The following SLC5A5 variants were observed in gnomAD, a reference collection of about 807,000 sequenced individuals.
The protein encoded by SLC5A5 is solute carrier family 5 member 5, also known as sodium/iodide cotransporter.
SLC5A5 carries 56 observed loss-of-function variants against 68.6 expected under a neutral mutation model. The ratio of observed to expected loss-of-function variants is 0.82; its 90% CI spans 0.66 to 1.02. The LOEUF is 1.02. SLC5A5 is among the 50% of genes least tolerant of loss of function. SLC5A5 has a pLI of 0.00. For synonymous variants in SLC5A5, 398 were observed against 373.0 expected, an observed-to-expected ratio of 1.07 and a Z score of -0.77; for missense variants, 807 against 859.8, an observed-to-expected ratio of 0.94 and a Z score of 0.77.
chr19:17,882,785 G>A (rs529777378), intron 10 of SLC5A5, among the ~76,000 whole-genome samples: 24 of 152,204 alleles, frequency 1.6e-4, no homozygotes, highest in East Asian at 5.8e-4. Flanking sequence ...CTGGGTTCAC[G>A]CCATTCTCCT....
At chr19:17,885,593 C>G (rs770214932) in intron 12 of SLC5A5, among the ~76,000 whole-genome samples, 8 of 152,014 alleles carry the variant, frequency 5.3e-5, no homozygotes, top group Non-Finnish European at 1.0e-4. Context: ...GTTGCCCAGG[C>G]TGGTCTCAAA....
chr19:17,875,034 C>T (rs1263080190), intron 4 of SLC5A5, among the ~76,000 whole-genome samples: 1 of 152,102 alleles, frequency 6.6e-6, no homozygotes, highest in Non-Finnish European at 1.5e-5. Context: ...TTGGCTGGCT[C>T]AGGTCTGACC....
chr19:17,884,665 C>G (rs554976096), intron 12 of SLC5A5, among the ~76,000 whole-genome samples: 1 of 151,448 alleles, frequency 6.6e-6, no homozygotes, highest in Non-Finnish European at 1.5e-5. Context: ...CCCAGCTACT[C>G]GGGAGGCTGA....
At chr19:17,891,929 G>A (rs575562333) in intron 14 of SLC5A5, among the ~76,000 whole-genome samples, 1 of 152,226 alleles carries the variant, frequency 6.6e-6, no homozygotes, top group Admixed American at 6.5e-5. Flanking sequence ...ATCTAGCAGG[G>A]GCAGGTGAAA....
intron 12 of SLC5A5, 109 bp from the exon 13 acceptor site, chr19:17,888,222 C>A: frequency 7.4e-7 from 1 of 1,350,868 alleles, no homozygotes; most frequent in Non-Finnish European, 1.0e-6. Context: ...GAGGTCTGTG[C>A]TAGGCCATGG....
intron 8 of SLC5A5, 144 bp from the exon 9 acceptor site, chr19:17,881,816 G>C: frequency 2.8e-6 from 2 of 707,484 alleles, no homozygotes; most frequent in Admixed American, 4.0e-5. Flanking sequence ...TCTTCGGGGA[G>C]GGGAGGGGCA....
Position 17,893,725 on chromosome 19 carries a change from C to T in SLC5A5, c.1780C>T (p.Leu594Phe), listed in dbSNP as rs140990171. ...CACTTTTCCCCAGGGTCCTGAAGAA[C>T]TCCCCACTGGAAACAAGAAGCCCCC... Reference protein sequence around the residue: ...DDNLVKGPEELPTGNKKPPGF... With the variant: ...DDNLVKGPEEFPTGNKKPPGF... The change falls in exon 15 of 15, where the codon CTC becomes TTC. Residue 594 changes from leucine to phenylalanine, a missense_variant. Transcript: ENST00000222248. The T allele has an allele frequency of 2.2e-4, 363 of 1,613,924 alleles. No homozygotes were observed. In the African/African-American group the frequency reaches 4.2e-3, roughly 19 times the overall value.
chr19:17,893,424 G>A (rs939263160), intron 14 of SLC5A5, among the ~76,000 whole-genome samples: 2 of 152,002 alleles, frequency 1.3e-5, no homozygotes, highest in Non-Finnish European at 2.9e-5. Flanking sequence ...TTTTCTTGAA[G>A]GTGAACAGGC....
At chr19:17,890,667 A>G (rs989388553) in intron 13 of SLC5A5, among the ~76,000 whole-genome samples, 1 of 152,168 alleles carries the variant, frequency 6.6e-6, no homozygotes, top group Non-Finnish European at 1.5e-5. Context: ...AAGTGCAATT[A>G]TGAGCCACCA....
chr19:17,887,329 C>CT lies in SLC5A5; in HGVS notation c.1527-1001dup, dbSNP rs770716083. ...TTTGGTGGGCGGATGGAGTCTAACT[C>CT]TGTCACCCAGGCTGGAGTGCAGTGG... On this transcript the variant is annotated intron_variant, in intron 12 of 14. Coordinates refer to ENST00000222248, the MANE Select transcript of SLC5A5 (RefSeq NM_000453.3). 1.6e-4 allele frequency among the ~76,000 whole-genome samples: 25 copies of CT among 152,248 alleles called. No individual in the cohort carries two copies. The East Asian group carries it at 3.7e-3, about 22-fold the overall frequency.
chr19:17,873,239 T>A (rs1198206068), intron 1 of SLC5A5, among the ~76,000 whole-genome samples: 1 of 152,004 alleles, frequency 6.6e-6, no homozygotes, highest in Non-Finnish European at 1.5e-5. Context: ...AGCATGCAGA[T>A]CACCTGAGGT....
chr19:17,891,139 G>A (rs1366954990), intron 14 of SLC5A5, 138 bp downstream of exon 14: 1 of 713,194 alleles, frequency 1.4e-6, no homozygotes, highest in Non-Finnish European at 2.6e-6. Flanking sequence ...TCTATTGGGA[G>A]CTGATTCATC....
At chr19:17,888,477 C>A in intron 13 of SLC5A5, 22 bp downstream of exon 13, 1 of 1,612,770 alleles carries the variant, frequency 6.2e-7, no homozygotes, top group South Asian at 1.1e-5. Context: ...GAGCATGTGG[C>A]CTCAGAGGTC....
intron 7 of SLC5A5, among the ~76,000 whole-genome samples, chr19:17,878,889 A>C (rs10418077): frequency 0.066 from 9,548 of 145,646 alleles, 634 homozygotes; most frequent in East Asian, 0.22. Context: ...GCAGGAGAAT[A>C]GCTTGAACCC....
rs369582725 is a variant in SLC5A5, at chr19:17,882,741, T to C, written c.1242+522T>C. Among the ~76,000 whole-genome samples, 57 of 152,136 alleles carry C rather than the reference T, an allele frequency of 3.7e-4. No individual in the cohort carries two copies. In the East Asian group the frequency reaches 7.9e-3, roughly 21 times the overall value. On this transcript the variant is annotated intron_variant, in intron 10 of 14. Coordinates refer to ENST00000222248, the MANE Select transcript of SLC5A5 (RefSeq NM_000453.3). Reference sequence around the variant, plus strand: ...CTCTGTTGCCCAGGCTGGAGTGCAGTGGCACCATCTTGGCTCACTGCAAGC... The same window carrying C: ...CTCTGTTGCCCAGGCTGGAGTGCAGCGGCACCATCTTGGCTCACTGCAAGC...
At chr19:17,884,479 G>C (rs2094328866) in intron 12 of SLC5A5, among the ~76,000 whole-genome samples, 1 of 151,644 alleles carries the variant, frequency 6.6e-6, no homozygotes, top group African/African-American at 2.4e-5. Flanking sequence ...TTTAAAAGTG[G>C]CATTTAGGCC....
intron 10 of SLC5A5, among the ~76,000 whole-genome samples, chr19:17,883,389 G>C (rs1599924576): frequency 6.6e-6 from 1 of 151,458 alleles, no homozygotes; most frequent in East Asian, 1.9e-4. Context: ...ACTCCAACCT[G>C]GACAGCAAAG....
In SLC5A5 at chr19:17,894,036, T is replaced by A; in HGVS notation, c.*159T>A. The A allele has an allele frequency of 1.4e-6, 1 of 706,486 alleles. No homozygotes were observed. Among genetic ancestry groups the A allele is most frequent in the South Asian group, 1.8e-5 (1 of 56,866 alleles). 43.8% of individuals were successfully genotyped at this position (706,486 alleles called of 1,614,324 possible). On this transcript the variant is annotated 3_prime_UTR_variant, in exon 15 of 15. Transcript: ENST00000222248. The stretch of plus-strand genomic sequence containing the variant: ...CCCTACCCTATGGGGAGGCCCTGCC[T>A]CCGGGAGGTCATTTTTTAAATCCAG...
chr19:17,872,633 T>C lies in SLC5A5; in HGVS notation c.314T>C (p.Phe105Ser), dbSNP rs768296308. 5.0e-6 allele frequency: 8 copies of C among 1,610,922 alleles called. No homozygotes were observed. The highest frequency in any genetic ancestry group is 5.9e-6 in the Non-Finnish European group (7 of 1,179,474). The change falls in exon 1 of 15, where the codon TTC (phenylalanine) becomes TCC (serine). Residue 105 changes from phenylalanine to serine, a missense_variant. By Grantham distance (155) the Phe-to-Ser change is radical. Transcript: ENST00000222248. ...LLNSVLTALL[F>S]MPVFYRLGLT... The stretch of plus-strand genomic sequence containing the variant: ...AACTCGGTCCTCACCGCCCTGCTCT[T>C]CATGCCCGTCTTCTACCGCCTGGGC...
Sources: gnomAD v4.1 joint callset for allele counts (sites outside exome capture counted in the v4.1 genomes callset) on GRCh38, gnomAD v4.1.1 for gene constraint, MANE v1.5 for transcripts, NCBI Gene and HGNC (gene_info 2026-07-23, HGNC 2026-07-21) for gene names.